BCORL1: variants seen among roughly 807,000 people sequenced by gnomAD.
The protein encoded by BCORL1 is BCL6 corepressor like 1.
BCORL1 carries 7 observed loss-of-function variants against 87.6 expected under a neutral mutation model. That is an observed-to-expected ratio of 0.08 (90% CI 0.05 to 0.15). The LOEUF is 0.15. Ranked by LOEUF, BCORL1 falls within the 10% of genes least tolerant of loss-of-function variation. The pLI is 1.00. For missense variants in BCORL1, 1,215 were observed against 1,499.7 expected, an observed-to-expected ratio of 0.81 and a Z score of 3.13; for synonymous variants, 591 against 634.4, an observed-to-expected ratio of 0.93 and a Z score of 1.03.
intron 2 of BCORL1, among the ~76,000 whole-genome samples, chrX:130,012,348 G>A (rs966434789): frequency 9.0e-6 from 1 of 111,212 alleles, no homozygotes; most frequent in Admixed American, 9.6e-5. Context: ...TCCAAAGAGG[G>A]GGGTCTAGTC....
chrX:130,051,614 A>AG (rs1444231752), intron 12 of BCORL1, among the ~76,000 whole-genome samples: 1 of 112,099 alleles, frequency 8.9e-6, no homozygotes, highest in African/African-American at 3.2e-5. Flanking sequence ...TGCCAGTTGG[A>AG]GGGGGGAGTG....
intron 1 of BCORL1, among the ~76,000 whole-genome samples, chrX:129,983,341 C>T (rs1205260164): frequency 2.8e-5 from 3 of 107,033 alleles, no homozygotes; most frequent in African/African-American, 1.0e-4. Flanking sequence ...GTCTTGTTAA[C>T]TACCTGACTC....
intron 1 of BCORL1, among the ~76,000 whole-genome samples, chrX:129,998,983 G>A (rs188583929): frequency 3.6e-5 from 4 of 110,368 alleles, no homozygotes; most frequent in East Asian, 2.8e-4. Flanking sequence ...CAGAATCAGC[G>A]TTGCTCTCTA....
At position 129,997,986 on chromosome X, in the gene BCORL1, C is replaced by CATATATAT. The variant is rs754498901; in HGVS notation, c.-44-7189_-44-7182dup. ...ATGTGCCTCCTAAATTGAAGTTTTACATATATATATATATATATATGTATT... is the reference window on the plus strand; with the variant it reads ...ATGTGCCTCCTAAATTGAAGTTTTACATATATATATATATATATATATATATATGTATT... On this transcript the variant is annotated intron_variant, in intron 1 of 13. Coordinates refer to ENST00000540052, the MANE Select transcript of BCORL1 (RefSeq NM_001379451.1). Among the ~76,000 whole-genome samples the CATATATAT allele has an allele frequency of 2.8e-3, 268 of 96,004 alleles. 1 individual carries two copies. The highest frequency in any genetic ancestry group is 9.7e-3 in the African/African-American group (248 of 25,640). The allele number at this position is 96,004 out of a possible 115,157, so 83.4% of individuals were successfully genotyped here.
intron 2 of BCORL1, among the ~76,000 whole-genome samples, chrX:130,009,465 GAA>G (rs58485210): frequency 2.0e-5 from 1 of 50,926 alleles, no homozygotes; most frequent in Admixed American, 2.5e-4. Context: ...CTAAAAGAAA[GAA>G]AAAAAAAAAA....
At chrX:129,984,172 C>CGCCGCT (rs1823273204) in intron 1 of BCORL1, among the ~76,000 whole-genome samples, 1 of 101,655 alleles carries the variant, frequency 9.8e-6, no homozygotes, top group Non-Finnish European at 2.0e-5. Context: ...CTGCTGCCGC[C>CGCCGCT]GCCGCTGCCG....
intron 11 of BCORL1, among the ~76,000 whole-genome samples, chrX:130,044,333 G>A (rs755702112): frequency 1.8e-5 from 2 of 111,136 alleles, no homozygotes; most frequent in Non-Finnish European, 3.8e-5. Flanking sequence ...GTGGAGTCCA[G>A]CTGGGCAGAA....
Position 130,014,740 on chromosome X carries a change from C to A in BCORL1, c.1968C>A (p.Ala656=). 1 of 1,211,535 alleles carries A rather than the reference C, an allele frequency of 8.3e-7. No homozygotes were observed. Among genetic ancestry groups the A allele is most frequent in the Non-Finnish European group, 1.1e-6 (1 of 895,434 alleles). The change falls in exon 4 of 14, where the codon GCC becomes GCA. Residue 656 remains alanine (A), a synonymous_variant. Transcript: ENST00000540052. ...CCCCCGTGCACACCAGCAGCAAGGC[C>A]CTCCTCTCCACAGTCCTGTCTAGGT... ...VLTPVHTSSK[A]LLSTVLSRSQ... is the part of the protein sequence containing the mutation.
intron 7 of BCORL1, among the ~76,000 whole-genome samples, chrX:130,028,212 C>G (rs1297625670): frequency 9.0e-6 from 1 of 111,460 alleles, no homozygotes; most frequent in African/African-American, 3.3e-5. Flanking sequence ...TCCCTGTTCC[C>G]CATGTACTTG....
At chrX:130,010,781 C>T (rs971691547) in intron 2 of BCORL1, 3 of 109,084 alleles carry the variant, frequency 2.8e-5, no homozygotes, top group South Asian at 4.0e-4. Flanking sequence ...ACTGGGGAGG[C>T]GAGAGCTGGC....
At chrX:130,007,671 G>T in intron 2 of BCORL1, among the ~76,000 whole-genome samples, 1 of 112,392 alleles carries the variant, frequency 8.9e-6, no homozygotes, top group Admixed American at 9.3e-5. Flanking sequence ...GGTGGTGTAT[G>T]CCTGTAATCC....
chrX:130,042,360 G>A (rs1241491787), intron 11 of BCORL1, among the ~76,000 whole-genome samples: 2 of 112,237 alleles, frequency 1.8e-5, no homozygotes, highest in African/African-American at 3.2e-5. Context: ...CTCCCAAAGT[G>A]CTGGAATTAC....
In BCORL1 at chrX:130,021,112, C is replaced by T; in HGVS notation, c.3569C>T (p.Ser1190Phe). Residue 1190 changes from serine (S) to phenylalanine (F), a missense_variant, in exon 5 of 14, where the codon TCC becomes TTC. Physicochemically the swap from Ser to Phe is radical, Grantham distance 155. Around this residue, in one of 5 missense-constraint regions of BCORL1, gnomAD observed 861 missense variants for 1,010.0 expected, o/e 0.85. Transcript: ENST00000540052. ...HKHRKPTKPE[S>F]QSPGKRADSH... ...CACCGGAAGCCGACAAAGCCGGAGT[C>T]CCAGTCTCCAGGAAAACGAGCCGAC... 8.3e-7 allele frequency: 1 copy of T among 1,201,491 alleles called. No homozygotes were observed. The highest frequency in any genetic ancestry group is 1.1e-6 in the Non-Finnish European group (1 of 891,392).
intron 11 of BCORL1, among the ~76,000 whole-genome samples, chrX:130,040,420 G>GT (rs1197881271): frequency 3.6e-5 from 4 of 112,479 alleles, no homozygotes; most frequent in African/African-American, 1.3e-4. Flanking sequence ...TAGGCGGTGA[G>GT]TGGGGGGTAA....
intron 1 of BCORL1, among the ~76,000 whole-genome samples, chrX:129,991,102 AT>A (rs1927111922): frequency 6.4e-5 from 7 of 109,914 alleles, no homozygotes; most frequent in African/African-American, 2.0e-4. Context: ...TGCCTGGCTA[AT>A]TTTTGTATTT....
At chrX:129,989,871 C>T (rs1262598837) in intron 1 of BCORL1, among the ~76,000 whole-genome samples, 1 of 108,979 alleles carries the variant, frequency 9.2e-6, no homozygotes, top group African/African-American at 3.3e-5. Flanking sequence ...CTGCAACCTC[C>T]ACCTCCCGGC....
chrX:130,030,855 T>A (rs984850312), intron 8 of BCORL1, among the ~76,000 whole-genome samples: 1 of 111,892 alleles, frequency 8.9e-6, no homozygotes, highest in African/African-American at 3.2e-5. Flanking sequence ...TTTTTGTCCC[T>A]CCCTCTGACC....
intron 5 of BCORL1, among the ~76,000 whole-genome samples, 155 bp from the exon 6 acceptor site, chrX:130,022,742 G>T (rs190772807): frequency 1.8e-5 from 2 of 112,401 alleles, no homozygotes; most frequent in East Asian, 5.6e-4. Flanking sequence ...TGATGGCCAC[G>T]TAAGGGGAGT....
At position 130,013,607 on chromosome X, in the gene BCORL1, G is replaced by T; in HGVS notation, c.835G>T (p.Ala279Ser). 1 of 1,210,887 alleles carries T rather than the reference G, an allele frequency of 8.3e-7. No homozygotes were observed. ...TGACTCGAACCCCCTTTCTGTTTCG[G>T]CCTCAGTCTTGGTGCCTGTGCCAGC... ...ISDSNPLSVS[A>S]SVLVPVPASA... The change falls in exon 4 of 14, where the codon GCC becomes TCC. Residue 279 changes from alanine to serine, a missense_variant. Coordinates refer to ENST00000540052, the MANE Select transcript of BCORL1 (RefSeq NM_001379451.1).
Sources: gnomAD v4.1 joint callset for allele counts (sites outside exome capture counted in the v4.1 genomes callset) on GRCh38, gnomAD v4.1.1 for gene constraint, gnomAD v4.1.1 regional missense constraint, MANE v1.5 for transcripts, NCBI Gene and HGNC (gene_info 2026-07-23, HGNC 2026-07-21) for gene names.